ZMIZ1: variants seen among roughly 807,000 people sequenced by gnomAD.
ZMIZ1 encodes zinc finger MIZ-type containing 1.
ZMIZ1 carries 17 observed loss-of-function variants against 113.9 expected under a neutral mutation model. The observed-to-expected ratio is 0.15, with a 90% CI of 0.10 to 0.22. The LOEUF (loss-of-function observed/expected upper bound fraction) is 0.22, where lower values mean the gene tolerates loss of function less well. ZMIZ1 is among the 10% of genes least tolerant of loss of function. The pLI is 1.00. For missense variants in ZMIZ1, 1,059 were observed against 1,477.8 expected (o/e 0.72, Z 4.65); for synonymous variants, 607 against 603.1 (o/e 1.01, Z -0.09).
intron 7 of ZMIZ1, among the ~76,000 whole-genome samples, chr10:79,225,659 C>G (rs1849171685): frequency 6.6e-6 from 1 of 152,208 alleles, no homozygotes; most frequent in Non-Finnish European, 1.5e-5. Context: ...CTGAGCCTCT[C>G]TTCTTAGAAA....
chr10:79,144,843 T>A (rs768210353), intron 3 of ZMIZ1, among the ~76,000 whole-genome samples: 1 of 152,150 alleles, frequency 6.6e-6, no homozygotes, highest in African/African-American at 2.4e-5. Context: ...GTATTCAATG[T>A]TCGGTGGGCG....
chr10:79,262,330 G>A (rs1375550528), intron 7 of ZMIZ1, among the ~76,000 whole-genome samples: 1 of 152,246 alleles, frequency 6.6e-6, no homozygotes, highest in Non-Finnish European at 1.5e-5. Flanking sequence ...AGCCCAACAT[G>A]CATGTGTTTT....
At chr10:79,256,564 C>A (rs2132915560) in intron 7 of ZMIZ1, among the ~76,000 whole-genome samples, 1 of 152,352 alleles carries the variant, frequency 6.6e-6, no homozygotes, top group Admixed American at 6.5e-5. Context: ...CCCTGCAGCA[C>A]ATGCTGAGGG....
At chr10:79,253,873 C>T (rs983566612) in intron 7 of ZMIZ1, among the ~76,000 whole-genome samples, 63 of 152,302 alleles carry the variant, frequency 4.1e-4, no homozygotes, top group African/African-American at 1.5e-3. Context: ...CACACAGGTA[C>T]ATGCACACAC....
intron 4 of ZMIZ1, among the ~76,000 whole-genome samples, chr10:79,179,638 G>A (rs774707462): frequency 2.0e-5 from 3 of 152,230 alleles, no homozygotes; most frequent in East Asian, 1.9e-4. Context: ...CAGGCCCCAC[G>A]CACCGTCTCC....
intron 5 of ZMIZ1, among the ~76,000 whole-genome samples, chr10:79,202,721 C>T (rs953778479): frequency 7.2e-5 from 11 of 152,234 alleles, no homozygotes; most frequent in African/African-American, 1.7e-4. Flanking sequence ...CCAGGAGTGA[C>T]GTGCCCACCT....
intron 1 of ZMIZ1, among the ~76,000 whole-genome samples, chr10:79,088,480 A>G (rs1197131420): frequency 2.0e-5 from 3 of 152,218 alleles, no homozygotes; most frequent in Non-Finnish European, 4.4e-5. Context: ...CTGCCTAGGC[A>G]CGGCCCTGGG....
chr10:79,089,292 T>C (rs1054352869), intron 1 of ZMIZ1, among the ~76,000 whole-genome samples: 1 of 152,186 alleles, frequency 6.6e-6, no homozygotes, highest in Non-Finnish European at 1.5e-5. Flanking sequence ...GGGCCCCACA[T>C]CAGTGAAGGA....
chr10:79,194,192 C>T (rs994030042), intron 4 of ZMIZ1, among the ~76,000 whole-genome samples: 1 of 152,244 alleles, frequency 6.6e-6, no homozygotes, highest in Non-Finnish European at 1.5e-5. Context: ...CACACAGCTC[C>T]CCGGGGACCC....
At chr10:79,081,708 C>T (rs2132187587) in intron 1 of ZMIZ1, among the ~76,000 whole-genome samples, 1 of 152,334 alleles carries the variant, frequency 6.6e-6, no homozygotes, top group South Asian at 2.1e-4. Context: ...TAAGTGTCTA[C>T]AGGCCCCTGA....
intron 4 of ZMIZ1, among the ~76,000 whole-genome samples, chr10:79,185,475 T>G (rs1008736796): frequency 6.6e-6 from 1 of 152,144 alleles, no homozygotes; most frequent in African/African-American, 2.4e-5. Context: ...CTCCAATTGT[T>G]GACTGGAGCC....
In ZMIZ1 at chr10:79,081,741, C is replaced by T. The variant is rs145318161; in HGVS notation, c.-337+12471C>T. On this transcript the variant is annotated intron_variant, in intron 1 of 24. Coordinates refer to ENST00000334512, the MANE Select transcript of ZMIZ1 (RefSeq NM_020338.4). ...TGAGACCTGGGCTCTGTGCAAGGAG[C>T]GCTGGATTTAGAGACAGAACTTCTG... Among the ~76,000 whole-genome samples, 106 of 152,320 alleles carry T rather than the reference C, an allele frequency of 7.0e-4. 1 individual carries two copies. Among genetic ancestry groups the T allele is most frequent in the African/African-American group, 2.3e-3 (97 of 41,566 alleles).
At chr10:79,220,873 C>G (rs1343117704) in intron 7 of ZMIZ1, among the ~76,000 whole-genome samples, 1 of 151,826 alleles carries the variant, frequency 6.6e-6, no homozygotes, top group Non-Finnish European at 1.5e-5. Context: ...TGGCTGTGCA[C>G]ATGTGTGTAT....
chr10:79,310,142 G>A (rs996608639), intron 23 of ZMIZ1, among the ~76,000 whole-genome samples: 3 of 152,172 alleles, frequency 2.0e-5, no homozygotes, highest in Admixed American at 6.5e-5. Context: ...CACCATTGGT[G>A]AACCGTCACT....
chr10:79,252,318 A>G (rs1850603804), intron 7 of ZMIZ1, among the ~76,000 whole-genome samples: 2 of 152,166 alleles, frequency 1.3e-5, no homozygotes, highest in African/African-American at 4.8e-5. Context: ...AAATACATTT[A>G]GTGACCTGGA....
intron 24 of ZMIZ1, among the ~76,000 whole-genome samples, chr10:79,311,854 C>T (rs1855194674): frequency 6.6e-6 from 1 of 152,000 alleles, no homozygotes; most frequent in Non-Finnish European, 1.5e-5. Flanking sequence ...GCACCGGCCC[C>T]GCCCATGCCT....
At chr10:79,193,625 A>G (rs908336915) in intron 4 of ZMIZ1, among the ~76,000 whole-genome samples, 1 of 152,186 alleles carries the variant, frequency 6.6e-6, no homozygotes, top group Non-Finnish European at 1.5e-5. Flanking sequence ...ATGGAGAGAC[A>G]GTTGCAAGGA....
chr10:79,299,691 G>A (rs1485356298), intron 16 of ZMIZ1, among the ~76,000 whole-genome samples: 1 of 152,258 alleles, frequency 6.6e-6, no homozygotes, highest in Non-Finnish European at 1.5e-5. Context: ...GTTCCCTGCT[G>A]AGCCAGGCCC....
chr10:79,208,474 C>T (rs1282789120), intron 6 of ZMIZ1, 25 bp downstream of exon 6: 1 of 1,594,490 alleles, frequency 6.3e-7, no homozygotes, highest in Non-Finnish European at 8.6e-7. Context: ...TGTCCGCCTG[C>T]ATTCCTGCCC....
Sources: allele counts gnomAD v4.1 joint callset (sites outside exome capture counted in the v4.1 genomes callset), GRCh38; gene constraint gnomAD v4.1.1; transcripts MANE v1.5; gene names NCBI Gene and HGNC (gene_info 2026-07-23, HGNC 2026-07-21).